The following TLE4 variants were observed in gnomAD, a reference collection of about 807,000 sequenced individuals.
The protein encoded by TLE4 is transducin-like enhancer protein 4.
In TLE4, 8 loss-of-function variants were observed where a neutral mutation model predicts 92.8. The ratio of observed to expected loss-of-function variants is 0.09; its 90% CI spans 0.05 to 0.16. TLE4 has a LOEUF of 0.16. TLE4 is among the 10% of genes least tolerant of loss of function. TLE4 has a pLI of 1.00. For synonymous variants in TLE4, 371 were observed against 374.1 expected (o/e 0.99, Z 0.10); for missense variants, 675 against 997.6 (o/e 0.68, Z 4.36).
intron 8 of TLE4, among the ~76,000 whole-genome samples, chr9:79,654,873 G>C (rs2059549654): frequency 6.6e-6 from 1 of 152,202 alleles, no homozygotes; most frequent in Admixed American, 6.5e-5. Flanking sequence ...GCCGGGCTTG[G>C]TGGTTCATGC....
At chr9:79,622,326 T>G (rs965444743) in intron 5 of TLE4, among the ~76,000 whole-genome samples, 1 of 152,162 alleles carries the variant, frequency 6.6e-6, no homozygotes, top group Non-Finnish European at 1.5e-5. Context: ...TGCAGCTGTG[T>G]CCCCTACCTG....
At chr9:79,670,115 A>C (rs1418491711) in intron 8 of TLE4, among the ~76,000 whole-genome samples, 1 of 152,134 alleles carries the variant, frequency 6.6e-6, no homozygotes, top group East Asian at 1.9e-4. Context: ...GGAGGTAGGG[A>C]AATCGTGCAA....
intron 6 of TLE4, among the ~76,000 whole-genome samples, chr9:79,632,779 T>C (rs1214008568): frequency 6.6e-6 from 1 of 152,206 alleles, no homozygotes; most frequent in African/African-American, 2.4e-5. Context: ...ATAAAATAGA[T>C]TTATCAGAGA....
intron 6 of TLE4, among the ~76,000 whole-genome samples, chr9:79,628,006 G>A (rs2053104277): frequency 6.6e-6 from 1 of 151,888 alleles, no homozygotes; most frequent in Admixed American, 6.6e-5. Context: ...GGCAATAGTG[G>A]CATTAATGTT....
intron 4 of TLE4, among the ~76,000 whole-genome samples, chr9:79,579,346 T>TA (rs1389453900): frequency 5.9e-5 from 9 of 152,218 alleles, no homozygotes; most frequent in Admixed American, 5.2e-4. Flanking sequence ...ATGCTGTCAT[T>TA]AAAGAAGTCC....
chr9:79,717,680 G>T (rs74972941), intron 14 of TLE4, among the ~76,000 whole-genome samples: 1 of 152,134 alleles, frequency 6.6e-6, no homozygotes, highest in Non-Finnish European at 1.5e-5. Context: ...TACAACTTCC[G>T]CAGTTTGGTC....
chr9:79,622,822 T>C (rs1017607460), intron 5 of TLE4, among the ~76,000 whole-genome samples: 9 of 152,188 alleles, frequency 5.9e-5, no homozygotes, highest in African/African-American at 2.2e-4. Context: ...CTAAAACTTC[T>C]TTCTGTTTTA....
At chr9:79,640,463 G>A (rs921900600) in intron 6 of TLE4, among the ~76,000 whole-genome samples, 2 of 151,400 alleles carry the variant, frequency 1.3e-5, no homozygotes, top group African/African-American at 4.9e-5. Context: ...TAACATATAA[G>A]TTTCTAATCT....
intron 8 of TLE4, among the ~76,000 whole-genome samples, chr9:79,666,641 TCTTA>T (rs1328589513): frequency 6.6e-6 from 1 of 152,268 alleles, no homozygotes; most frequent in Non-Finnish European, 1.5e-5. Context: ...ACTTTTCTAC[TCTTA>T]CTGTGTTTTA....
chr9:79,663,620 G>A (rs974870549), intron 8 of TLE4: 1 of 152,170 alleles, frequency 6.6e-6, no homozygotes, highest in Non-Finnish European at 1.5e-5. Flanking sequence ...GTGTATTCGG[G>A]TTTGGGTGGT....
At chr9:79,645,099 T>C (rs2057880338) in intron 6 of TLE4, among the ~76,000 whole-genome samples, 2 of 152,226 alleles carry the variant, frequency 1.3e-5, no homozygotes, top group African/African-American at 4.8e-5. Context: ...TTAATGATGC[T>C]GAGATTGTCT....
At chr9:79,695,987 GT>G (rs1165048696) in intron 8 of TLE4, among the ~76,000 whole-genome samples, 2 of 152,154 alleles carry the variant, frequency 1.3e-5, no homozygotes, top group African/African-American at 4.8e-5. Flanking sequence ...GTCTTATTGG[GT>G]GTTGATTTCT....
intron 6 of TLE4, among the ~76,000 whole-genome samples, chr9:79,651,904 G>A (rs1028133906): frequency 1.7e-4 from 26 of 152,028 alleles, no homozygotes; most frequent in Admixed American, 6.5e-4. Context: ...AGTTACTCAC[G>A]TATATGTTTT....
chr9:79,588,544 G>T (rs2041791220), intron 4 of TLE4, among the ~76,000 whole-genome samples: 1 of 152,100 alleles, frequency 6.6e-6, no homozygotes, highest in South Asian at 2.1e-4. Context: ...TATCATTTGG[G>T]TATTTTGTTT....
rs758607295 is a variant in TLE4 at position 79,573,701 on chromosome 9, C to T, written c.58C>T (p.Pro20Ser). Residue 20 changes from proline to serine, a missense_variant, in exon 2 of 20, where the codon CCT becomes TCT. By Grantham distance (74) the Pro-to-Ser change is moderately conservative (BLOSUM62 -1). This residue lies in a region of TLE4 where 38 missense variants were observed against 33.5 expected (regional missense o/e 1.14). Coordinates refer to ENST00000376552, the MANE Select transcript of TLE4 (RefSeq NM_007005.6). ...TGTTGTTCTTCAGGCACCGCATCAG[C>T]CTGCTCAACCCTTTAAATTTACAAT... ...PQTRHPAPHQ[P>S]AQPFKFTISE... The T allele has an allele frequency of 1.2e-6, 2 of 1,602,792 alleles. No homozygotes were observed. The highest frequency in any genetic ancestry group is 2.2e-5 in the East Asian group (1 of 44,596).
intron 6 of TLE4, among the ~76,000 whole-genome samples, chr9:79,634,548 T>C (rs187512608): frequency 3.5e-4 from 53 of 152,234 alleles, no homozygotes; most frequent in Admixed American, 7.8e-4. Flanking sequence ...AGTGTGTAGG[T>C]CTTTGAGTTT....
At chr9:79,706,034 T>C (rs1189850097) in intron 10 of TLE4, 92 bp downstream of exon 10, 1 of 1,231,014 alleles carries the variant, frequency 8.1e-7, no homozygotes, top group Non-Finnish European at 1.2e-6. Context: ...ATCTTGAGGT[T>C]TGTCGTTTTG....
chr9:79,688,769 A>G (rs2135472306), intron 8 of TLE4, among the ~76,000 whole-genome samples: 1 of 152,130 alleles, frequency 6.6e-6, no homozygotes, highest in East Asian at 2.0e-4. Context: ...CAATTGCCAA[A>G]TACATTCCAA....
At chr9:79,623,533 G>T (rs2133398134) in intron 5 of TLE4, among the ~76,000 whole-genome samples, 1 of 151,878 alleles carries the variant, frequency 6.6e-6, no homozygotes, top group East Asian at 1.9e-4. Flanking sequence ...CATTTTACTG[G>T]CCCTTTCCCC....
Sources: gnomAD v4.1 joint callset for allele counts (sites outside exome capture counted in the v4.1 genomes callset) on GRCh38, gnomAD v4.1.1 for gene constraint, gnomAD v4.1.1 regional missense constraint, MANE v1.5 for transcripts, NCBI Gene and HGNC (gene_info 2026-07-23, HGNC 2026-07-21) for gene names.